DMD: variants seen among roughly 807,000 people sequenced by gnomAD.
The protein encoded by DMD is mutant dystrophin.
In DMD, 63 loss-of-function variants were observed where a neutral mutation model predicts 330.1. That is an observed-to-expected ratio of 0.19 (90% CI 0.16 to 0.24). The LOEUF is 0.24. Ranked by LOEUF, DMD falls within the 10% of genes least tolerant of loss-of-function variation. The pLI is 1.00. For missense variants in DMD, 3,344 were observed against 2,684.1 expected (o/e 1.25, Z -5.43); for synonymous variants, 1,223 against 959.8 (o/e 1.27, Z -5.07).
chrX:32,002,628 G>A (rs981162751), intron 44 of DMD, among the ~76,000 whole-genome samples: 1 of 110,973 alleles, frequency 9.0e-6, no homozygotes, highest in African/African-American at 3.3e-5. Context: ...TTAGAATAAG[G>A]ATGATAGCTC....
In DMD at chrX:32,157,573, C is replaced by G. The variant is rs146558609; in HGVS notation, c.6438+59343G>C. Among the ~76,000 whole-genome samples, 969 of 112,235 alleles carry G rather than the reference C, an allele frequency of 8.6e-3. 8 individuals carry two copies. Among genetic ancestry groups the G allele is most frequent in the African/African-American group, 0.029 (886 of 30,914 alleles). On this transcript the variant is annotated intron_variant, in intron 44 of 78. Coordinates refer to ENST00000357033, the MANE Select transcript of DMD (RefSeq NM_004006.3). ...TTGAGGTGCTATTTCAGCACCATTT[C>G]TGTAATTCTGGAACTAGTTATCAGG...
chrX:33,153,833 T>C (rs1299128171), intron 1 of DMD, among the ~76,000 whole-genome samples: 1 of 112,152 alleles, frequency 8.9e-6, no homozygotes, highest in Non-Finnish European at 1.9e-5. Context: ...AGTATCTTTC[T>C]CTTTTAATAG....
At chrX:31,591,753 TAA>T (rs2076882562) in intron 55 of DMD, among the ~76,000 whole-genome samples, 2 of 111,628 alleles carry the variant, frequency 1.8e-5, no homozygotes, top group Non-Finnish European at 3.8e-5. Flanking sequence ...TAACTCATTT[TAA>T]AAGACAGTAA....
chrX:32,721,887 A>T (rs1357209624), intron 7 of DMD, among the ~76,000 whole-genome samples: 1 of 106,728 alleles, frequency 9.4e-6, no homozygotes, highest in South Asian at 4.2e-4. Context: ...CAAGGGTACA[A>T]TTTACAACAC....
intron 62 of DMD, among the ~76,000 whole-genome samples, chrX:31,289,456 A>C (rs992248138): frequency 1.8e-5 from 2 of 110,929 alleles, no homozygotes; most frequent in South Asian, 7.5e-4. Flanking sequence ...AGTAAACAGA[A>C]TGTTTAAAGT....
At chrX:32,588,828 A>G (rs2054571368) in intron 13 of DMD, among the ~76,000 whole-genome samples, 1 of 112,052 alleles carries the variant, frequency 8.9e-6, no homozygotes. Context: ...GACAGGGATG[A>G]ATTTGGGGAT....
In DMD at chrX:32,491,299, T is replaced by C. The variant is rs766057861; in HGVS notation, c.2600A>G (p.Lys867Arg). The C allele has an allele frequency of 6.6e-6, 8 of 1,210,333 alleles. No homozygotes were observed. The highest frequency in any genetic ancestry group is 7.8e-6 in the Non-Finnish European group (7 of 895,306). ...PTTPSEPTAI[K>R]SQLKICKDEV... ...TACCTTACAAATTTTTAACTGACTT[T>C]TAATTGCTGTTGGCTCTGATGGGGT... The change falls in exon 20 of 79, where the codon AAA becomes AGA. Residue 867 changes from lysine (K) to arginine (R), a missense_variant. Coordinates refer to ENST00000357033, the MANE Select transcript of DMD (RefSeq NM_004006.3).
At chrX:31,232,368 G>A (rs888121482) in intron 63 of DMD, among the ~76,000 whole-genome samples, 2 of 111,398 alleles carry the variant, frequency 1.8e-5, no homozygotes, top group Non-Finnish European at 1.9e-5. Flanking sequence ...AATAAAAAAT[G>A]GCATTTACCC....
At chrX:32,121,552 G>A (rs1047739216) in intron 44 of DMD, among the ~76,000 whole-genome samples, 9 of 98,117 alleles carry the variant, frequency 9.2e-5, no homozygotes, top group African/African-American at 1.5e-4. Flanking sequence ...TAAAAGACTC[G>A]ATTAAGTGGC....
At chrX:32,924,663 T>C (rs1043048503) in intron 2 of DMD, among the ~76,000 whole-genome samples, 6 of 112,420 alleles carry the variant, frequency 5.3e-5, no homozygotes, top group African/African-American at 1.9e-4. Flanking sequence ...CTTTATGTTT[T>C]AAAATACACT....
At chrX:31,542,577 G>A (rs2073895827) in intron 55 of DMD, among the ~76,000 whole-genome samples, 1 of 111,989 alleles carries the variant, frequency 8.9e-6, no homozygotes, top group African/African-American at 3.2e-5. Flanking sequence ...TGTATTTCCT[G>A]CTATTATTGT....
At chrX:32,170,488 A>AATT (rs1183168103) in intron 44 of DMD, among the ~76,000 whole-genome samples, 4 of 105,704 alleles carry the variant, frequency 3.8e-5, no homozygotes, top group African/African-American at 1.0e-4. Context: ...TAATAATAAT[A>AATT]ATTATTATTA....
rs1286924974 is a variant in DMD at position 31,853,017 on chromosome X, G to C, written c.7099-16198C>G. On this transcript the variant is annotated intron_variant, in intron 48 of 78. Coordinates refer to ENST00000357033, the MANE Select transcript of DMD (RefSeq NM_004006.3). The stretch of plus-strand genomic sequence containing the variant: ...TTGTGCCTCAGCCTCCAGAGTAGCT[G>C]AGATTACAGGCATGCACCACCAAGC... Among the ~76,000 whole-genome samples, 7 of 112,282 alleles carry C rather than the reference G, an allele frequency of 6.2e-5. No homozygotes were observed. In the East Asian group the frequency reaches 1.1e-3, roughly 18 times the overall value.
intron 7 of DMD, among the ~76,000 whole-genome samples, chrX:32,732,084 A>G (rs1050961994): frequency 8.9e-6 from 1 of 112,012 alleles, no homozygotes; most frequent in Non-Finnish European, 1.9e-5. Context: ...GATGGAGCTG[A>G]AAACCAAGGC....
intron 1 of DMD, among the ~76,000 whole-genome samples, chrX:33,268,165 T>A (rs1330868705): frequency 2.7e-5 from 3 of 110,134 alleles, no homozygotes; most frequent in Non-Finnish European, 5.7e-5. Flanking sequence ...AATTTTTGTA[T>A]TTTTGGTAGA....
intron 1 of DMD, among the ~76,000 whole-genome samples, chrX:33,302,461 A>T (rs761307336): frequency 8.9e-6 from 1 of 112,219 alleles, no homozygotes; most frequent in Admixed American, 9.5e-5. Flanking sequence ...TAAAATTAAA[A>T]ACTACTGATT....
At chrX:33,045,686 CT>C (rs778174772) in intron 1 of DMD, among the ~76,000 whole-genome samples, 4 of 110,913 alleles carry the variant, frequency 3.6e-5, no homozygotes, top group Non-Finnish European at 7.6e-5. Flanking sequence ...ACACACACAC[CT>C]TTTCAAATAA....
intron 44 of DMD, among the ~76,000 whole-genome samples, chrX:32,157,345 C>T (rs2094566580): frequency 8.9e-6 from 1 of 112,155 alleles, no homozygotes; most frequent in Non-Finnish European, 1.9e-5. Context: ...AACAGGCATT[C>T]AATAAATACT....
chrX:33,030,504 G>A (rs754858058), intron 1 of DMD, among the ~76,000 whole-genome samples: 39 of 112,107 alleles, frequency 3.5e-4, no homozygotes, highest in Non-Finnish European at 2.1e-4. Context: ...GTATGTGGGT[G>A]TAGACTTGTT....
Sources: allele counts gnomAD v4.1 joint callset (sites outside exome capture counted in the v4.1 genomes callset), GRCh38; gene constraint gnomAD v4.1.1; transcripts MANE v1.5; gene names NCBI Gene and HGNC (gene_info 2026-07-23, HGNC 2026-07-21).